The following CNBD1 variants were observed in gnomAD, a reference collection of about 807,000 sequenced individuals.
CNBD1 encodes cyclic nucleotide-binding domain-containing protein 1.
Under a neutral mutation model 54.4 loss-of-function variants are expected in CNBD1, and 71 were observed. The ratio of observed to expected loss-of-function variants is 1.30; its 90% CI spans 1.08 to 1.59. The LOEUF (loss-of-function observed/expected upper bound fraction) is 1.59, where lower values mean the gene tolerates loss of function less well. Among genes scored for constraint, CNBD1 ranks in the 40% most tolerant of loss-of-function variants. The pLI is 0.00. For synonymous variants in CNBD1, 182 were observed against 170.7 expected, an observed-to-expected ratio of 1.07 and a Z score of -0.51; for missense variants, 659 against 518.0, an observed-to-expected ratio of 1.27 and a Z score of -2.64.
intron 1 of CNBD1, among the ~76,000 whole-genome samples, chr8:86,869,574 A>C (rs1162902705): frequency 1.3e-5 from 2 of 152,174 alleles, no homozygotes; most frequent in Non-Finnish European, 2.9e-5. Flanking sequence ...TCTTCTTTGA[A>C]ACTTTCAAGT....
At chr8:86,943,538 A>C (rs1402011258) in intron 4 of CNBD1, among the ~76,000 whole-genome samples, 3 of 152,062 alleles carry the variant, frequency 2.0e-5, no homozygotes, top group Non-Finnish European at 2.9e-5. Flanking sequence ...AATAATAAAT[A>C]ATTTTGAAAC....
chr8:86,904,498 T>C (rs1312651041), intron 2 of CNBD1, among the ~76,000 whole-genome samples: 2 of 152,030 alleles, frequency 1.3e-5, no homozygotes, highest in Non-Finnish European at 2.9e-5. Flanking sequence ...TCCTGAGGAA[T>C]AGATTTAAAA....
chr8:87,027,381 C>G (rs909504445), intron 4 of CNBD1, among the ~76,000 whole-genome samples: 6 of 152,128 alleles, frequency 3.9e-5, no homozygotes. Flanking sequence ...AAGTGATTTT[C>G]CTGCCTCAGC....
At chr8:87,091,914 A>T (rs1811212426) in intron 4 of CNBD1, among the ~76,000 whole-genome samples, 2 of 152,206 alleles carry the variant, frequency 1.3e-5, no homozygotes, top group African/African-American at 4.8e-5. Context: ...TGCGTAGGAA[A>T]AAGTCCTCCA....
chr8:87,126,442 T>C (rs1236661774), intron 4 of CNBD1, among the ~76,000 whole-genome samples: 1 of 152,070 alleles, frequency 6.6e-6, no homozygotes, highest in Non-Finnish European at 1.5e-5. Flanking sequence ...TCTGAACCTT[T>C]TACTTGTACA....
At chr8:86,909,713 T>C (rs1300615785) in intron 3 of CNBD1, among the ~76,000 whole-genome samples, 2 of 152,228 alleles carry the variant, frequency 1.3e-5, no homozygotes, top group African/African-American at 4.8e-5. Context: ...CAAACTTTAT[T>C]GTCAGTACTA....
chr8:87,178,774 G>A (rs571004159), intron 4 of CNBD1, among the ~76,000 whole-genome samples: 1 of 152,304 alleles, frequency 6.6e-6, no homozygotes, highest in Non-Finnish European at 1.5e-5. Flanking sequence ...TTCAAAATAT[G>A]TCCAGAATAC....
chr8:87,234,115 C>T (rs544840285), intron 5 of CNBD1, among the ~76,000 whole-genome samples: 1 of 152,116 alleles, frequency 6.6e-6, no homozygotes, highest in African/African-American at 2.4e-5. Context: ...TGTAAGTAAG[C>T]TCTACTTTTA....
chr8:87,142,777 G>A (rs1157690585), intron 4 of CNBD1, among the ~76,000 whole-genome samples: 1 of 152,092 alleles, frequency 6.6e-6, no homozygotes, highest in Non-Finnish European at 1.5e-5. Flanking sequence ...ACACTAAAAT[G>A]TCGGATTCTG....
chr8:87,102,286 G>A (rs1811444725), intron 4 of CNBD1, among the ~76,000 whole-genome samples: 1 of 152,106 alleles, frequency 6.6e-6, no homozygotes, highest in South Asian at 2.1e-4. Context: ...GGGTACAGGA[G>A]CAGACATAGT....
At chr8:87,199,611 T>C (rs1295711485) in intron 4 of CNBD1, among the ~76,000 whole-genome samples, 1 of 152,220 alleles carries the variant, frequency 6.6e-6, no homozygotes, top group African/African-American at 2.4e-5. Flanking sequence ...CTGTAGGCAC[T>C]ATGCTGTACA....
At chr8:87,392,509 A>G (rs1033175395) in intron 2 of CNBD1, among the ~76,000 whole-genome samples, 12 of 152,064 alleles carry the variant, frequency 7.9e-5, no homozygotes, top group African/African-American at 2.9e-4. Flanking sequence ...GAAATAATCT[A>G]GATGAACCTT....
intron 4 of CNBD1, among the ~76,000 whole-genome samples, chr8:87,007,791 G>C (rs1403307899): frequency 6.6e-6 from 1 of 152,056 alleles, no homozygotes; most frequent in African/African-American, 2.4e-5. Flanking sequence ...ATTAATATTT[G>C]TTTTTACTAA....
At chr8:86,950,763 A>G (rs1184007241) in intron 4 of CNBD1, among the ~76,000 whole-genome samples, 2 of 152,164 alleles carry the variant, frequency 1.3e-5, no homozygotes, top group Non-Finnish European at 2.9e-5. Context: ...CAGTGAAGTC[A>G]GGTCCTGGGC....
At chr8:86,913,497 G>C (rs751502532) in intron 3 of CNBD1, among the ~76,000 whole-genome samples, 8 of 152,274 alleles carry the variant, frequency 5.3e-5, no homozygotes, top group East Asian at 1.9e-4. Context: ...AAGCACAAAA[G>C]AGAGAAATTT....
intron 3 of CNBD1, among the ~76,000 whole-genome samples, chr8:86,907,723 A>C (rs1435179820): frequency 1.3e-5 from 2 of 152,076 alleles, no homozygotes; most frequent in Admixed American, 6.6e-5. Flanking sequence ...ATTAAATAGA[A>C]TTTCCTAAAG....
At chr8:87,132,795 G>GTGTATATATATACATATATATATA (rs1563480904) in intron 4 of CNBD1, among the ~76,000 whole-genome samples, 1 of 144,440 alleles carries the variant, frequency 6.9e-6, no homozygotes, top group African/African-American at 2.6e-5. Context: ...ATATATATAT[G>GTGTATATATATACATATATATATA]TGTATATATA....
At chr8:87,375,862 A>T (rs1793240308) in intron 10 of CNBD1, among the ~76,000 whole-genome samples, 1 of 151,908 alleles carries the variant, frequency 6.6e-6, no homozygotes, top group Admixed American at 6.6e-5. Context: ...AAATATATTC[A>T]AGATCCTATG....
rs73693012 is a variant in CNBD1, at chr8:87,067,347, C to T, written c.431+127593C>T. Among the ~76,000 whole-genome samples, 602 of 151,948 alleles carry T rather than the reference C, an allele frequency of 4.0e-3. 6 individuals carry two copies. Among genetic ancestry groups the T allele is most frequent in the African/African-American group, 0.014 (570 of 41,502 alleles). Reference sequence around the variant, plus strand: ...ATGCAGTTCCACCCTTATAATTGTGCAGTTATTATTATGGAATTACTTATT... The same window carrying T: ...ATGCAGTTCCACCCTTATAATTGTGTAGTTATTATTATGGAATTACTTATT... On this transcript the variant is annotated intron_variant, in intron 4 of 10. Transcript: ENST00000518476.
Sources: gnomAD v4.1 joint callset for allele counts (sites outside exome capture counted in the v4.1 genomes callset) on GRCh38, gnomAD v4.1.1 for gene constraint, MANE v1.5 for transcripts, NCBI Gene and HGNC (gene_info 2026-07-23, HGNC 2026-07-21) for gene names.